MID1: variants seen among roughly 807,000 people sequenced by gnomAD.
MID1 encodes the protein E3 ubiquitin-protein ligase Midline-1.
A neutral mutation model predicts 40.4 loss-of-function variants in MID1; 7 were observed. The ratio of observed to expected loss-of-function variants is 0.17; its 90% CI spans 0.10 to 0.33. MID1 has a LOEUF of 0.33. Among genes scored for constraint, MID1 ranks in the 10% least tolerant of loss-of-function variants. MID1 has a pLI of 1.00. For synonymous variants in MID1, 229 were observed against 221.2 expected (o/e 1.04, Z -0.31); for missense variants, 367 against 558.5 (o/e 0.66, Z 3.46).
At chrX:10,565,999 G>A (rs1934520867) in intron 2 of MID1, among the ~76,000 whole-genome samples, 1 of 109,923 alleles carries the variant, frequency 9.1e-6, no homozygotes, top group African/African-American at 3.3e-5. Context: ...TAGTAGAGAT[G>A]GGGTTCCACC....
intron 1 of MID1, among the ~76,000 whole-genome samples, chrX:10,580,952 A>C (rs954824053): frequency 1.8e-5 from 2 of 108,457 alleles, no homozygotes; most frequent in South Asian, 8.0e-4. Flanking sequence ...AAAAAAAAAA[A>C]AAAAAACATG....
At chrX:10,626,644 G>A (rs1439428605) in intron 1 of MID1, among the ~76,000 whole-genome samples, 1 of 111,700 alleles carries the variant, frequency 9.0e-6, no homozygotes, top group African/African-American at 3.3e-5. Flanking sequence ...GAGGGACTGG[G>A]GCCTTTCTGT....
At chrX:10,645,829 G>A (rs1936255729) in intron 1 of MID1, among the ~76,000 whole-genome samples, 1 of 111,810 alleles carries the variant, frequency 8.9e-6, no homozygotes, top group African/African-American at 3.2e-5. Context: ...ACAGGGCAAA[G>A]GAAACCCATC....
chrX:10,591,606 G>A (rs1170575949), intron 1 of MID1, among the ~76,000 whole-genome samples: 2 of 111,538 alleles, frequency 1.8e-5, no homozygotes, highest in Non-Finnish European at 3.8e-5. Context: ...CGGAGCCACT[G>A]CCAGCTACCC....
intron 1 of MID1, among the ~76,000 whole-genome samples, chrX:10,743,793 T>A (rs1189288854): frequency 2.7e-5 from 3 of 112,018 alleles, no homozygotes; most frequent in African/African-American, 9.7e-5. Flanking sequence ...TCAATTTCCT[T>A]ACAGATGAGT....
At chrX:10,757,954 CTTTA>C (rs113458552) in intron 1 of MID1, among the ~76,000 whole-genome samples, 10,425 of 108,575 alleles carry the variant, frequency 0.096, 1,407 homozygotes, top group African/African-American at 0.34. Context: ...TCATAAGTCA[CTTTA>C]TTTATTTATT....
intron 4 of MID1, among the ~76,000 whole-genome samples, chrX:10,491,152 C>T (rs2147313422): frequency 8.9e-6 from 1 of 111,856 alleles, no homozygotes; most frequent in African/African-American, 3.2e-5. Context: ...TTGAAGACCA[C>T]ATACTGTCTC....
At chrX:10,566,770 C>G (rs996359106) in intron 2 of MID1, 118 bp downstream of exon 2, 1 of 779,081 alleles carries the variant, frequency 1.3e-6, no homozygotes, top group African/African-American at 2.0e-5. Flanking sequence ...TAAAACTAAT[C>G]AGATAACAAA....
rs751510252 is a variant in MID1 at position 10,449,397 on chromosome X, G to A, written c.1975C>T (p.His659Tyr). The A allele has an allele frequency of 4.4e-5, 53 of 1,209,526 alleles. No homozygotes were observed. The East Asian group carries it at 1.5e-3, about 35-fold the overall frequency. The change falls in exon 10 of 10, where the codon CAT becomes TAT. Residue 659 changes from histidine to tyrosine, a missense_variant. His to Tyr is a moderately conservative substitution (Grantham distance 83). Around this residue, in one of 3 missense-constraint regions of MID1, gnomAD observed 275 missense variants for 383.1 expected, o/e 0.72. Coordinates refer to ENST00000317552, the MANE Select transcript of MID1 (RefSeq NM_000381.4). ...GGCAGCTGCTCTGTGCAGTCCAAAT[G>A]GTCTGGGATAGGGAGCCCAGTGATA... ...TIITGLPIPD[H>Y]LDCTEQLP
intron 3 of MID1, among the ~76,000 whole-genome samples, chrX:10,516,827 G>A (rs781410683): frequency 9.1e-6 from 1 of 109,629 alleles, no homozygotes; most frequent in South Asian, 4.0e-4. Context: ...TATTGCCCAG[G>A]CTGTTATTGA....
intron 1 of MID1, among the ~76,000 whole-genome samples, chrX:10,776,692 C>T (rs1366889904): frequency 1.8e-5 from 2 of 111,059 alleles, no homozygotes; most frequent in Non-Finnish European, 3.8e-5. Context: ...ATGGTGAGAC[C>T]CCTGTGTCTA....
At chrX:10,736,059 T>A (rs2147106067) in intron 1 of MID1, among the ~76,000 whole-genome samples, 1 of 112,432 alleles carries the variant, frequency 8.9e-6, no homozygotes, top group South Asian at 3.7e-4. Flanking sequence ...AGTTATGATA[T>A]CTTTAATCTA....
At chrX:10,680,822 G>A (rs2043054032) in intron 1 of MID1, among the ~76,000 whole-genome samples, 1 of 109,700 alleles carries the variant, frequency 9.1e-6, no homozygotes, top group Non-Finnish European at 1.9e-5. Context: ...ATTGAGCTCA[G>A]GAGTTCAAGA....
intron 1 of MID1, among the ~76,000 whole-genome samples, chrX:10,642,149 G>A (rs1346962191): frequency 1.8e-5 from 2 of 111,863 alleles, no homozygotes; most frequent in Admixed American, 9.5e-5. Flanking sequence ...TCAACACAGT[G>A]TTGGAAGTTC....
At chrX:10,734,444 CTTAA>C (rs1274144062) in intron 1 of MID1, among the ~76,000 whole-genome samples, 1 of 109,254 alleles carries the variant, frequency 9.2e-6, no homozygotes, top group African/African-American at 3.4e-5. Flanking sequence ...GGGTATTGGG[CTTAA>C]TTAATACCTG....
intron 2 of MID1, among the ~76,000 whole-genome samples, chrX:10,559,989 C>A (rs942333972): frequency 1.8e-5 from 2 of 108,615 alleles, no homozygotes; most frequent in African/African-American, 6.7e-5. Context: ...CTCAATGATC[C>A]TCTCACCTCA....
At chrX:10,643,625 T>TA (rs1368545663) in intron 1 of MID1, among the ~76,000 whole-genome samples, 1 of 111,406 alleles carries the variant, frequency 9.0e-6, no homozygotes, top group Non-Finnish European at 1.9e-5. Context: ...GAACTAGAAA[T>TA]ACCATTTGAC....
chrX:10,722,115 C>CAA (rs35737786), intron 1 of MID1, among the ~76,000 whole-genome samples: 6 of 103,317 alleles, frequency 5.8e-5, no homozygotes, highest in Non-Finnish European at 1.2e-4. Context: ...CATATGGCTG[C>CAA]AAAAAAAAAA....
intron 3 of MID1, among the ~76,000 whole-genome samples, chrX:10,518,411 C>T (rs776255048): frequency 1.8e-5 from 2 of 111,617 alleles, no homozygotes; most frequent in East Asian, 5.6e-4. Flanking sequence ...AGGTTTATTG[C>T]CCTGTAGGTC....
Sources: gnomAD v4.1 joint callset for allele counts (sites outside exome capture counted in the v4.1 genomes callset) on GRCh38, gnomAD v4.1.1 for gene constraint, gnomAD v4.1.1 regional missense constraint, MANE v1.5 for transcripts, NCBI Gene and HGNC (gene_info 2026-07-23, HGNC 2026-07-21) for gene names.